Variants in RUFY2 observed in about 807,000 individuals in gnomAD.
RUFY2 encodes RUN and FYVE domain containing 2.
A neutral mutation model predicts 94.4 loss-of-function variants in RUFY2; 49 were observed. The observed-to-expected ratio is 0.52, with a 90% CI of 0.41 to 0.66. The LOEUF (loss-of-function observed/expected upper bound fraction) is 0.66. RUFY2 is among the 30% of genes least tolerant of loss of function. The pLI, the probability that RUFY2 is intolerant of heterozygous loss-of-function variation, is 0.00. For synonymous variants in RUFY2, 255 were observed against 235.7 expected, an observed-to-expected ratio of 1.08 and a Z score of -0.75; for missense variants, 541 against 692.8, an observed-to-expected ratio of 0.78 and a Z score of 2.46.
chr10:68,367,044 T>C (rs1173730633), intron 13 of RUFY2, among the ~76,000 whole-genome samples: 2 of 151,480 alleles, frequency 1.3e-5, no homozygotes, highest in African/African-American at 4.9e-5. Flanking sequence ...GGCGGGTGCC[T>C]GTAATCTCAT....
chr10:68,388,678 T>TA (rs1400426464), intron 7 of RUFY2, among the ~76,000 whole-genome samples: 11 of 149,636 alleles, frequency 7.4e-5, no homozygotes, highest in South Asian at 4.2e-4. Flanking sequence ...CTATGAAAAA[T>TA]AAAAAAAATT....
chr10:68,403,912 C>T (rs951026383), intron 2 of RUFY2, among the ~76,000 whole-genome samples: 5 of 151,790 alleles, frequency 3.3e-5, no homozygotes, highest in African/African-American at 1.2e-4. Context: ...CCCACTTCAG[C>T]CTCTCGAACA....
intron 10 of RUFY2, 59 bp downstream of exon 10, chr10:68,383,739 G>C: frequency 8.6e-7 from 1 of 1,166,994 alleles, no homozygotes; most frequent in Non-Finnish European, 1.3e-6. Context: ...AATGGTGCTT[G>C]CTTGAGGGTA....
downstream of RUFY2, chr10:68,341,751 TTTTA>T (rs1219247687): frequency 6.3e-7 from 1 of 1,595,564 alleles, no homozygotes; most frequent in South Asian, 1.1e-5. Context: ...TCTTTTTTCT[TTTTA>T]AAGATAATCA....
intron 1 of RUFY2, among the ~76,000 whole-genome samples, chr10:68,406,399 T>C (rs1349045061): frequency 6.6e-6 from 1 of 152,190 alleles, no homozygotes; most frequent in Non-Finnish European, 1.5e-5. Context: ...ACTTCATGTT[T>C]CATAATCCGT....
chr10:68,386,841 T>G (rs1057394879), intron 7 of RUFY2, among the ~76,000 whole-genome samples: 1 of 152,180 alleles, frequency 6.6e-6, no homozygotes, highest in Non-Finnish European at 1.5e-5. Flanking sequence ...AGCTCCATTT[T>G]GATTCCCCTC....
intron 7 of RUFY2, among the ~76,000 whole-genome samples, chr10:68,392,771 A>G (rs2133053285): frequency 6.6e-6 from 1 of 151,386 alleles, no homozygotes; most frequent in South Asian, 2.1e-4. Flanking sequence ...AATACAAAAA[A>G]AAAAAAAAAA....
chr10:68,400,462 G>C (rs946532834), intron 3 of RUFY2, among the ~76,000 whole-genome samples: 3 of 151,748 alleles, frequency 2.0e-5, no homozygotes, highest in Admixed American at 6.6e-5. Context: ...GGATCACAAG[G>C]TCAGGAGATC....
At chr10:68,396,917 T>C (rs1466006188) in intron 3 of RUFY2, 36 bp from the exon 4 acceptor site, 1 of 1,389,484 alleles carries the variant, frequency 7.2e-7, no homozygotes. Flanking sequence ...AAAACAGCCC[T>C]AGCCCAAAGA....
rs147746698 is a variant in RUFY2 at position 68,388,442 on chromosome 10, G to A, written c.651-2314C>T. 6.2e-3 allele frequency among the ~76,000 whole-genome samples: 947 copies of A among 152,072 alleles called. 17 individuals carry two copies. Among genetic ancestry groups the A allele is most frequent in the African/African-American group, 0.022 (905 of 41,462 alleles). ...CGCGCCATTGCATTCCAGCCTGGGC[G>A]ACAAGACTAAGACTCCATAAAAAAG... On this transcript the variant is annotated intron_variant, in intron 7 of 17. Transcript: ENST00000602465.
intron 13 of RUFY2, among the ~76,000 whole-genome samples, chr10:68,370,441 CTTTTT>C (rs2048179866): frequency 7.3e-6 from 1 of 136,790 alleles, no homozygotes; most frequent in African/African-American, 2.6e-5. Context: ...CAAGGCATTT[CTTTTT>C]TCTTTTTTTT....
intron 15 of RUFY2, among the ~76,000 whole-genome samples, chr10:68,358,141 T>C (rs915980795): frequency 3.9e-5 from 6 of 152,128 alleles, no homozygotes; most frequent in Non-Finnish European, 4.4e-5. Context: ...TGAGCCAAGA[T>C]TGCACCACTG....
At chr10:68,357,590 G>T (rs2047152684) in intron 15 of RUFY2, among the ~76,000 whole-genome samples, 1 of 151,894 alleles carries the variant, frequency 6.6e-6, no homozygotes, top group Admixed American at 6.6e-5. Context: ...TAATGAAAAT[G>T]CAAATTATAA....
chr10:68,363,399 C>A (rs985700201), intron 15 of RUFY2, among the ~76,000 whole-genome samples, 191 bp downstream of exon 15: 5 of 152,134 alleles, frequency 3.3e-5, no homozygotes, highest in African/African-American at 1.2e-4. Flanking sequence ...CTGGTCTTGA[C>A]CTCCTGACTT....
chr10:68,405,840 T>G (rs2051252078), intron 1 of RUFY2: 3 of 295,542 alleles, frequency 1.0e-5, no homozygotes, highest in Non-Finnish European at 1.5e-5. Flanking sequence ...CAGTTGAGGA[T>G]GCCCACAGCG....
In RUFY2 at chr10:68,381,202, CA is replaced by C. The variant is rs758459895; in HGVS notation, c.1107+29del. The stretch of plus-strand genomic sequence containing the variant: ...TCTACAAATATTCACTTTCAATTTA[CA>C]TAAAATGAAATTTAAGAACAATCCT... On this transcript the variant is annotated intron_variant, in intron 11 of 17. Transcript: ENST00000602465. The C allele has an allele frequency of 1.5e-5, 23 of 1,525,504 alleles. No individual in the cohort carries two copies. In the African/African-American group the frequency reaches 2.8e-4, roughly 18 times the overall value. The allele number at this position is 1,525,504 out of a possible 1,614,324, so 94.5% of individuals were successfully genotyped here.
At chr10:68,372,364 C>T (rs981902746) in intron 13 of RUFY2, among the ~76,000 whole-genome samples, 4 of 152,006 alleles carry the variant, frequency 2.6e-5, no homozygotes, top group East Asian at 3.9e-4. Context: ...CACGCCACTA[C>T]ACCCCAGCCT....
rs777736726 is a variant in RUFY2 at position 68,394,025 on chromosome 10, A to C, written c.584+50T>G. 26 of 1,478,126 alleles carry C rather than the reference A, an allele frequency of 1.8e-5. No homozygotes were observed. The South Asian group carries it at 3.0e-4, about 17-fold the overall frequency. The allele number at this position is 1,478,126 out of a possible 1,614,324, so 91.6% of individuals were successfully genotyped here. ...TAGATGGATCTTATAATGATTTGTA[A>C]AGAGCTATATAAAAAACCCAATATG... On this transcript the variant is annotated intron_variant, in intron 6 of 17. Transcript: ENST00000602465.
chr10:68,384,366 CCTA>C (rs1396957448), intron 8 of RUFY2, among the ~76,000 whole-genome samples: 13 of 152,204 alleles, frequency 8.5e-5, no homozygotes, highest in South Asian at 4.1e-4. Flanking sequence ...TTGAATTATT[CCTA>C]CTATTTTCTT....
Sources: allele counts gnomAD v4.1 joint callset (sites outside exome capture counted in the v4.1 genomes callset), GRCh38; gene constraint gnomAD v4.1.1; transcripts MANE v1.5; gene names NCBI Gene and HGNC (gene_info 2026-07-23, HGNC 2026-07-21).